The following PTPN11 variants were observed in gnomAD, a reference collection of about 807,000 sequenced individuals.
The protein encoded by PTPN11 is protein tyrosine phosphatase non-receptor type 11, also known as tyrosine-protein phosphatase non-receptor type 11.
In PTPN11, 6 loss-of-function variants were observed where a neutral mutation model predicts 78.8. The ratio of observed to expected loss-of-function variants is 0.08; its 90% CI spans 0.04 to 0.15. The LOEUF is 0.15. Ranked by LOEUF, PTPN11 falls within the 10% of genes least tolerant of loss-of-function variation. The pLI, the probability that PTPN11 is intolerant of heterozygous loss-of-function variation, is 1.00. For synonymous variants in PTPN11, 221 were observed against 263.5 expected (o/e 0.84, Z 1.56); for missense variants, 386 against 744.8 (o/e 0.52, Z 5.61).
intron 2 of PTPN11, among the ~76,000 whole-genome samples, 164 bp from the exon 3 acceptor site, chr12:112,450,154 A>G (rs982430951): frequency 2.0e-5 from 3 of 151,692 alleles, no homozygotes; most frequent in African/African-American, 4.8e-5. Flanking sequence ...GTTGGTTGAC[A>G]TGTGGTTATT....
chr12:112,507,622 G>A lies in PTPN11; in HGVS notation c.*1830G>A, dbSNP rs1399608679. On this transcript the variant is annotated 3_prime_UTR_variant, in exon 16 of 16. Transcript: ENST00000351677. ...CGGATATTTCAATGAAAATATCATT[G>A]GTTGACTTTTGTGATGGTAATAATG... 2.0e-5 allele frequency: 3 copies of A among 152,742 alleles called. No homozygotes were observed. Among genetic ancestry groups the A allele is most frequent in the Non-Finnish European group, 2.9e-5 (2 of 68,032 alleles). 9.5% of individuals were successfully genotyped at this position (152,742 alleles called of 1,614,324 possible). A position where few individuals can be genotyped will look rare whatever the true frequency, so the allele number is the denominator to read the frequency against.
In PTPN11 at chr12:112,441,019, A is replaced by G. The variant is rs530952150; in HGVS notation, c.15-5257A>G. Among the ~76,000 whole-genome samples, 407 of 141,016 alleles carry G rather than the reference A, an allele frequency of 2.9e-3. 5 individuals are homozygous for G. The highest frequency in any genetic ancestry group is 0.01 in the African/African-American group (378 of 37,438). The allele number at this position is 141,016 out of a possible 152,430, so 92.5% of individuals were successfully genotyped here. Reference sequence around the variant, plus strand: ...TGCGTTGTTGCCCAGGCTAGAGTGCAGTGGTGGCGATCTTGGCTCACCGCA... The same window carrying G: ...TGCGTTGTTGCCCAGGCTAGAGTGCGGTGGTGGCGATCTTGGCTCACCGCA... On this transcript the variant is annotated intron_variant, in intron 1 of 15. Transcript: ENST00000351677.
intron 1 of PTPN11, among the ~76,000 whole-genome samples, chr12:112,430,500 C>T (rs1490097020): frequency 6.6e-6 from 1 of 152,116 alleles, no homozygotes; most frequent in Non-Finnish European, 1.5e-5. Flanking sequence ...ACAACCATGG[C>T]TCACTGCAGC....
intron 10 of PTPN11, among the ~76,000 whole-genome samples, chr12:112,485,328 C>T (rs2038658314): frequency 6.6e-6 from 1 of 152,106 alleles, no homozygotes; most frequent in Non-Finnish European, 1.5e-5. Context: ...GGTGCTGCTA[C>T]AATTACGTCA....
intron 1 of PTPN11, among the ~76,000 whole-genome samples, chr12:112,429,648 A>G (rs1262106798): frequency 6.6e-6 from 1 of 151,754 alleles, no homozygotes; most frequent in African/African-American, 2.4e-5. Context: ...CTAAAAATAC[A>G]GAAAAATTAA....
chr12:112,440,997 G>A (rs938827617), intron 1 of PTPN11, among the ~76,000 whole-genome samples: 2 of 139,328 alleles, frequency 1.4e-5, no homozygotes, highest in Non-Finnish European at 3.1e-5. Flanking sequence ...GGAGTTTTGC[G>A]TTGTTGCCCA....
chr12:112,486,863 G>C, intron 11 of PTPN11: 3 of 1,424,120 alleles, frequency 2.1e-6, no homozygotes, highest in Non-Finnish European at 2.7e-6. Context: ...AAACAGCAAA[G>C]ACTAAGTCAG....
chr12:112,465,433 A>G (rs2038311917), intron 6 of PTPN11, among the ~76,000 whole-genome samples: 1 of 151,818 alleles, frequency 6.6e-6, no homozygotes, highest in South Asian at 2.1e-4. Flanking sequence ...AAAAAAAAAA[A>G]AAAGGTTTTT....
chr12:112,454,922 C>T lies in PTPN11; in HGVS notation c.642+242C>T, dbSNP rs1592830494. On this transcript the variant is annotated intron_variant, in intron 5 of 15. Transcript: ENST00000351677. Reference sequence around the variant, plus strand: ...ACAACCTCTGCTTCCTGGGTTCAAGCGATTCTCCTGCCTCAGCCTCCTGAG... The same window carrying T: ...ACAACCTCTGCTTCCTGGGTTCAAGTGATTCTCCTGCCTCAGCCTCCTGAG... The T allele has an allele frequency of 2.9e-5, 15 of 510,720 alleles. 1 individual carries two copies. Among genetic ancestry groups the T allele is most frequent in the East Asian group, 1.3e-4 (3 of 23,298 alleles). The allele number at this position is 510,720 out of a possible 1,614,324, so 31.6% of individuals were successfully genotyped here.
intron 6 of PTPN11, among the ~76,000 whole-genome samples, chr12:112,458,048 G>C (rs1400588365): frequency 1.3e-5 from 2 of 152,150 alleles, no homozygotes; most frequent in Admixed American, 6.6e-5. Flanking sequence ...AATATTTGTG[G>C]ATTGAATGAA....
intron 7 of PTPN11, among the ~76,000 whole-genome samples, chr12:112,474,304 C>T (rs1392768805): frequency 3.3e-5 from 5 of 152,154 alleles, no homozygotes; most frequent in East Asian, 1.9e-4. Flanking sequence ...TGCAATGAGC[C>T]GGAGGTGCTA....
At chr12:112,449,740 C>A (rs547217246) in intron 2 of PTPN11, among the ~76,000 whole-genome samples, 17 of 152,104 alleles carry the variant, frequency 1.1e-4, no homozygotes, top group Non-Finnish European at 2.4e-4. Context: ...TTAATATATG[C>A]AATTCGATAG....
chr12:112,442,861 T>TATATATATAAATTATATATACAC (rs1566162724), intron 1 of PTPN11, among the ~76,000 whole-genome samples: 7 of 79,646 alleles, frequency 8.8e-5, no homozygotes, highest in African/African-American at 4.1e-4. Context: ...TATATATATA[T>TATATATATAAATTATATATACAC]ATATATATAT....
chr12:112,484,245 G>A (rs2038640211), intron 10 of PTPN11, among the ~76,000 whole-genome samples: 3 of 152,250 alleles, frequency 2.0e-5, no homozygotes, highest in Admixed American at 2.0e-4. Flanking sequence ...AGGGCAAGAA[G>A]TCCAGAAATT....
At chr12:112,453,646 G>GTT (rs376601242) in intron 4 of PTPN11, among the ~76,000 whole-genome samples, 25 of 116,588 alleles carry the variant, frequency 2.1e-4, no homozygotes, top group South Asian at 2.9e-4. Context: ...CAGATTTTCT[G>GTT]TTTTTTTTTT....
rs547411598 is a variant in PTPN11, at chr12:112,508,800, C to G, written c.*3008C>G. On this transcript the variant is annotated 3_prime_UTR_variant, in exon 16 of 16. Transcript: ENST00000351677. ...TCATCTCTCCCACTGAAACCAAGGTCTTTTCAAATGTGGCTAAATGGGGAT... is the reference window on the plus strand; with the variant it reads ...TCATCTCTCCCACTGAAACCAAGGTGTTTTCAAATGTGGCTAAATGGGGAT... 1 of 152,234 alleles carries G rather than the reference C, an allele frequency of 6.6e-6. No individual in the cohort carries two copies. Among genetic ancestry groups the G allele is most frequent in the African/African-American group, 2.4e-5 (1 of 41,526 alleles). 9.4% of individuals were successfully genotyped at this position (152,234 alleles called of 1,614,324 possible).
chr12:112,442,849 T>C (rs1417529296), intron 1 of PTPN11, among the ~76,000 whole-genome samples: 5 of 69,194 alleles, frequency 7.2e-5, no homozygotes, highest in African/African-American at 3.5e-4. Context: ...TATATATATA[T>C]ATATATATAT....
rs560607065 is a variant in PTPN11 at position 112,462,994 on chromosome 12, C to T, written c.756+6931C>T. On this transcript the variant is annotated intron_variant, in intron 6 of 15. Coordinates refer to ENST00000351677, the MANE Select transcript of PTPN11 (RefSeq NM_002834.5). ...CATCTATAACTTTTATTATACATGA[C>T]TTTGGTTAGCATGCTTTAACCTTTT... Among the ~76,000 whole-genome samples, 32 of 152,180 alleles carry T rather than the reference C, an allele frequency of 2.1e-4. 1 individual carries two copies. The highest frequency in any genetic ancestry group is 4.0e-4 in the Non-Finnish European group (27 of 67,996).
intron 1 of PTPN11, among the ~76,000 whole-genome samples, chr12:112,439,802 C>CA (rs1216683651): frequency 1.1e-3 from 151 of 135,740 alleles, no homozygotes; most frequent in Middle Eastern, 7.4e-3. Flanking sequence ...AAAACAAAAA[C>CA]AAAAAAAAAA....
Sources: gnomAD v4.1 joint callset for allele counts (sites outside exome capture counted in the v4.1 genomes callset) on GRCh38, gnomAD v4.1.1 for gene constraint, MANE v1.5 for transcripts, NCBI Gene and HGNC (gene_info 2026-07-23, HGNC 2026-07-21) for gene names.